Variants in CSTPP1 observed in about 807,000 individuals in gnomAD.
CSTPP1 encodes the protein UPF0705 protein C11orf49.
At chr11:47,157,927 G>A in the CSTPP1 span, 2 of 1,611,496 alleles carry the variant, frequency 1.2e-6, no homozygotes, top group Non-Finnish European at 1.7e-6. Context: ...CCCTCGGTAA[G>A]TCAGAGCTAA....
chr11:47,113,697 GT>G, the CSTPP1 span, among the ~76,000 whole-genome samples: 325 of 150,136 alleles, frequency 2.2e-3, 1 homozygote, highest in African/African-American at 7.7e-3. Flanking sequence ...TGATGGGGTT[GT>G]TTTTTTTCTT....
the CSTPP1 span, among the ~76,000 whole-genome samples, chr11:47,108,062 A>G: frequency 4.6e-5 from 7 of 152,258 alleles, no homozygotes; most frequent in Non-Finnish European, 7.3e-5. Context: ...CATCCAGTAT[A>G]TTGCAAAGGT....
At chr11:47,048,765 C>T in the CSTPP1 span, among the ~76,000 whole-genome samples, 1 of 152,078 alleles carries the variant, frequency 6.6e-6, no homozygotes, top group Non-Finnish European at 1.5e-5. Flanking sequence ...TTCATGGTTG[C>T]ACAGCATTGT....
chr11:47,047,200 G>A, the CSTPP1 span, among the ~76,000 whole-genome samples: 1 of 152,074 alleles, frequency 6.6e-6, no homozygotes, highest in South Asian at 2.1e-4. Context: ...CGCACCTGGC[G>A]ATTCAACAAA....
the CSTPP1 span, among the ~76,000 whole-genome samples, chr11:47,125,102 C>T: frequency 6.6e-6 from 1 of 152,118 alleles, no homozygotes; most frequent in African/African-American, 2.4e-5. Context: ...ATTCTCTTCC[C>T]GATACATATC....
At chr11:47,127,812 C>T in the CSTPP1 span, among the ~76,000 whole-genome samples, 2 of 151,958 alleles carry the variant, frequency 1.3e-5, no homozygotes, top group South Asian at 2.1e-4. Context: ...TGTCACATGG[C>T]TAGTTAGCAG....
chr11:47,084,465 T>A, the CSTPP1 span, among the ~76,000 whole-genome samples: 1 of 152,172 alleles, frequency 6.6e-6, no homozygotes, highest in Admixed American at 6.5e-5. Context: ...TTGCCTACCC[T>A]AAGGCTGTGA....
the CSTPP1 span, among the ~76,000 whole-genome samples, chr11:47,163,173 TAA>T: frequency 1.5e-4 from 16 of 108,158 alleles, no homozygotes; most frequent in Non-Finnish European, 1.7e-4. Context: ...GAGACCATCT[TAA>T]AAAAAAAAAA....
At chr11:47,105,705 G>A in the CSTPP1 span, among the ~76,000 whole-genome samples, 20 of 152,278 alleles carry the variant, frequency 1.3e-4, no homozygotes, top group South Asian at 3.9e-3. Flanking sequence ...ATCAGCAAGT[G>A]GCAGAAGAGG....
chr11:47,013,906 T>C, the CSTPP1 span, among the ~76,000 whole-genome samples: 3 of 152,190 alleles, frequency 2.0e-5, no homozygotes, highest in Non-Finnish European at 4.4e-5. Context: ...ATCTGTTGTT[T>C]TTTGACTTTG....
chr11:46,966,516 G>C, the CSTPP1 span, among the ~76,000 whole-genome samples: 1 of 151,962 alleles, frequency 6.6e-6, no homozygotes, highest in Non-Finnish European at 1.5e-5. Context: ...TGAAGTAACA[G>C]GCTCATTTTG....
chr11:47,109,913 G>A, the CSTPP1 span, among the ~76,000 whole-genome samples: 9 of 152,350 alleles, frequency 5.9e-5, no homozygotes, highest in Non-Finnish European at 1.3e-4. Flanking sequence ...GAGGCGGGAA[G>A]CAAAACACTC....
At chr11:47,052,452 C>T in the CSTPP1 span, 2 of 1,614,090 alleles carry the variant, frequency 1.2e-6, no homozygotes, top group Non-Finnish European at 1.7e-6. Flanking sequence ...CCAAGCCACC[C>T]CCCACAATAG....
the CSTPP1 span, among the ~76,000 whole-genome samples, chr11:47,095,687 G>C: frequency 6.6e-6 from 1 of 152,054 alleles, no homozygotes; most frequent in East Asian, 1.9e-4. Flanking sequence ...ATGAAGCCTG[G>C]TATCACCTCT....
At chr11:46,950,079 T>G in the CSTPP1 span, among the ~76,000 whole-genome samples, 19 of 152,350 alleles carry the variant, frequency 1.2e-4, no homozygotes, top group East Asian at 2.3e-3. Flanking sequence ...AATTTAATCT[T>G]TTGTTTTCAA....
chr11:47,074,820 G>T, the CSTPP1 span, among the ~76,000 whole-genome samples: 1 of 152,146 alleles, frequency 6.6e-6, no homozygotes, highest in Non-Finnish European at 1.5e-5. Context: ...AATGTTCAAA[G>T]CTCTATGCCA....
the CSTPP1 span, among the ~76,000 whole-genome samples, chr11:46,975,264 A>G: frequency 1.3e-5 from 2 of 152,174 alleles, no homozygotes; most frequent in Non-Finnish European, 2.9e-5. Context: ...GCGACAGAGC[A>G]TGACCCTCTC....
the CSTPP1 span, chr11:47,159,838 C>G: frequency 5.3e-6 from 2 of 379,642 alleles, no homozygotes; most frequent in Admixed American, 6.8e-5. Context: ...AACCCCGTCT[C>G]TACTGAAAAT....
At chr11:46,958,748 A>G in the CSTPP1 span, among the ~76,000 whole-genome samples, 1 of 90,562 alleles carries the variant, frequency 1.1e-5, no homozygotes, top group Non-Finnish European at 3.6e-5. Flanking sequence ...GTCTGAGTTC[A>G]TAGGCTTGAG....
Sources: allele counts gnomAD v4.1 joint callset (sites outside exome capture counted in the v4.1 genomes callset), GRCh38; gene constraint gnomAD v4.1.1; transcripts MANE v1.5; gene names NCBI Gene and HGNC (gene_info 2026-07-23, HGNC 2026-07-21).